The following NBEAL1 variants were observed in gnomAD, a reference collection of about 807,000 sequenced individuals.
The protein encoded by NBEAL1 is neurobeachin-like protein 1.
In NBEAL1, 273 loss-of-function variants were observed where a neutral mutation model predicts 351.3. That is an observed-to-expected ratio of 0.78 (90% CI 0.70 to 0.86). NBEAL1 has a LOEUF of 0.86. Ranked by LOEUF, NBEAL1 falls within the 40% of genes least tolerant of loss-of-function variation. NBEAL1 has a pLI of 0.00. For synonymous variants in NBEAL1, 1,050 were observed against 1,086.4 expected, an observed-to-expected ratio of 0.97 and a Z score of 0.66; for missense variants, 2,961 against 3,201.3, an observed-to-expected ratio of 0.92 and a Z score of 1.81.
At chr2:203,032,173 ATGAC>A (rs1455602305) in intron 2 of NBEAL1, among the ~76,000 whole-genome samples, 2 of 152,132 alleles carry the variant, frequency 1.3e-5, no homozygotes, top group Non-Finnish European at 2.9e-5. Context: ...AAGCTTTGGT[ATGAC>A]TGTGTCCTTA....
intron 43 of NBEAL1, chr2:203,183,017 G>C: frequency 4.5e-6 from 1 of 224,018 alleles, no homozygotes; most frequent in African/African-American, 2.3e-5. Flanking sequence ...TTGCATTTTG[G>C]TCTGATTGAA....
intron 44 of NBEAL1, among the ~76,000 whole-genome samples, chr2:203,185,212 T>A (rs1310438475): frequency 6.6e-6 from 1 of 152,218 alleles, no homozygotes; most frequent in African/African-American, 2.4e-5. Context: ...TAGGCATGTA[T>A]GCATAAGAGC....
rs751716136 is a variant in NBEAL1, at chr2:203,144,700, T to A, written c.4949T>A (p.Val1650Asp). 1.4e-5 allele frequency: 22 copies of A among 1,614,056 alleles called. No homozygotes were observed. In the Admixed American group the frequency reaches 3.7e-4, roughly 27 times the overall value. Residue 1650 changes from valine (V) to aspartate (D), a missense_variant, in exon 32 of 56, where the codon GTT becomes GAT. Physicochemically the swap from Val to Asp is radical, Grantham distance 152. Coordinates refer to ENST00000683969, the MANE Select transcript of NBEAL1 (RefSeq NM_001378026.1). Reference protein sequence around the residue: ...ACYILGKLEHVLSQSIKEQTE... With the variant: ...ACYILGKLEHDLSQSIKEQTE... ...TACATTTTAGGGAAGCTGGAACATG[T>A]TCTAAGTCAATCAATCAAGGAACAG...
chr2:203,138,003 A>G (rs1188220981), intron 29 of NBEAL1, among the ~76,000 whole-genome samples, 159 bp from the exon 30 acceptor site: 4 of 152,118 alleles, frequency 2.6e-5, no homozygotes, highest in Non-Finnish European at 4.4e-5. Context: ...AAAAAAAAAA[A>G]AATTCAATTT....
chr2:203,059,440 G>T (rs1469319924), intron 6 of NBEAL1, among the ~76,000 whole-genome samples: 2 of 152,248 alleles, frequency 1.3e-5, no homozygotes, highest in Non-Finnish European at 2.9e-5. Flanking sequence ...CAGGCTAACA[G>T]AGCAGCCAGC....
Position 203,105,017 on chromosome 2 carries a change from G to A in NBEAL1, c.1270-2403G>A, listed in dbSNP as rs559495361. 6.6e-5 allele frequency among the ~76,000 whole-genome samples: 10 copies of A among 151,780 alleles called. No homozygotes were observed. The East Asian group carries it at 1.6e-3, about 24-fold the overall frequency. ...TGGGATTACAGGTGCTTGCCACCAC[G>A]CCTGGCTAATTTTTGTATTTTAGTA... On this transcript the variant is annotated intron_variant, in intron 12 of 55. Transcript: ENST00000683969.
At chr2:203,113,550 C>T (rs1379481049) in intron 17 of NBEAL1, among the ~76,000 whole-genome samples, 1 of 152,024 alleles carries the variant, frequency 6.6e-6, no homozygotes, top group Non-Finnish European at 1.5e-5. Context: ...GGAAATATTT[C>T]AGTTATCATC....
rs1468462168 is a variant in NBEAL1 at position 203,223,343 on chromosome 2, A to G, written c.*5989A>G. 6.6e-6 allele frequency among the ~76,000 whole-genome samples: 1 copy of G among 152,110 alleles called. No individual in the cohort carries two copies. The highest frequency in any genetic ancestry group is 1.5e-5 in the Non-Finnish European group (1 of 67,960). On this transcript the variant is annotated 3_prime_UTR_variant, in exon 56 of 56. Coordinates refer to ENST00000683969, the MANE Select transcript of NBEAL1 (RefSeq NM_001378026.1). ...GTTTCCTTGGAAACATATTTTGCAA[A>G]TATAACAATAATAGTAATAACACAA...
chr2:203,040,668 C>T (rs968929560), intron 2 of NBEAL1: 4 of 640,966 alleles, frequency 6.2e-6, no homozygotes, highest in East Asian at 3.7e-5. Context: ...GCTTGGAAGA[C>T]CTCATTCATG....
chr2:203,021,557 T>C (rs1199999709), intron 2 of NBEAL1, among the ~76,000 whole-genome samples: 3 of 151,770 alleles, frequency 2.0e-5, no homozygotes, highest in Non-Finnish European at 4.4e-5. Flanking sequence ...ATCGTGCCAC[T>C]ACACTCCAGC....
chr2:203,046,310 G>A (rs952176853), intron 3 of NBEAL1, among the ~76,000 whole-genome samples: 2 of 152,008 alleles, frequency 1.3e-5, no homozygotes, highest in Non-Finnish European at 2.9e-5. Flanking sequence ...CTGCCTCCCG[G>A]GTTCACGCCA....
intron 27 of NBEAL1, among the ~76,000 whole-genome samples, chr2:203,133,925 TG>T (rs2063137236): frequency 6.6e-6 from 1 of 152,046 alleles, no homozygotes; most frequent in African/African-American, 2.4e-5. Flanking sequence ...AAGTATTATC[TG>T]GTTCCTTATT....
At chr2:203,201,485 T>C in intron 49 of NBEAL1, 58 bp from the exon 50 acceptor site, 2 of 1,322,138 alleles carry the variant, frequency 1.5e-6, no homozygotes, top group Non-Finnish European at 2.0e-6. Flanking sequence ...AAAAGAATAG[T>C]TCACATCAGT....
chr2:203,164,715 C>T (rs2064078902), intron 36 of NBEAL1, among the ~76,000 whole-genome samples: 1 of 152,088 alleles, frequency 6.6e-6, no homozygotes, highest in Admixed American at 6.6e-5. Flanking sequence ...CAGAACTTCT[C>T]ATGGAAACCC....
intron 6 of NBEAL1, among the ~76,000 whole-genome samples, chr2:203,067,244 A>T (rs1419330332): frequency 6.6e-6 from 1 of 152,272 alleles, no homozygotes; most frequent in African/African-American, 2.4e-5. Context: ...TTAATTAAAT[A>T]GGAAGATCTA....
At chr2:203,189,268 A>G (rs1575106205) in intron 45 of NBEAL1, among the ~76,000 whole-genome samples, 1 of 152,356 alleles carries the variant, frequency 6.6e-6, no homozygotes, top group South Asian at 2.1e-4. Flanking sequence ...GTTTCAAGCA[A>G]TAACTTAAAG....
At chr2:203,168,205 C>G (rs1466957076) in intron 38 of NBEAL1, among the ~76,000 whole-genome samples, 1 of 152,248 alleles carries the variant, frequency 6.6e-6, no homozygotes, top group Non-Finnish European at 1.5e-5. Flanking sequence ...TCTGCCCCTG[C>G]TAAGTACTGG....
chr2:203,087,455 C>T (rs956484084), intron 10 of NBEAL1, among the ~76,000 whole-genome samples: 5 of 152,126 alleles, frequency 3.3e-5, no homozygotes, highest in African/African-American at 1.2e-4. Flanking sequence ...TCAATGTTAT[C>T]GTATCAATCC....
intron 51 of NBEAL1, among the ~76,000 whole-genome samples, chr2:203,203,431 TC>T (rs1410789684): frequency 6.6e-6 from 1 of 152,184 alleles, no homozygotes; most frequent in Non-Finnish European, 1.5e-5. Flanking sequence ...TGCCTTGGCC[TC>T]CCAAAGTGCT....
Sources: gnomAD v4.1 joint callset for allele counts (sites outside exome capture counted in the v4.1 genomes callset) on GRCh38, gnomAD v4.1.1 for gene constraint, MANE v1.5 for transcripts, NCBI Gene and HGNC (gene_info 2026-07-23, HGNC 2026-07-21) for gene names.